Variants in PLCB1 observed in about 807,000 individuals in gnomAD.
PLCB1 encodes the protein 1-phosphatidylinositol 4,5-bisphosphate phosphodiesterase beta-1.
Under a neutral mutation model 161.8 loss-of-function variants are expected in PLCB1, and 46 were observed. That is an observed-to-expected ratio of 0.28 (90% CI 0.22 to 0.36). PLCB1 has a LOEUF of 0.36. Among genes scored for constraint, PLCB1 ranks in the 10% least tolerant of loss-of-function variants. The probability of loss-of-function intolerance (pLI) is 1.00; values close to 1 mark genes in which losing one functional copy is unlikely to be tolerated. For missense variants in PLCB1, 1,016 were observed against 1,472.5 expected (o/e 0.69, Z 5.07); for synonymous variants, 517 against 503.7 (o/e 1.03, Z -0.35).
chr20:8,842,459 T>C (rs1568621422), intron 31 of PLCB1, among the ~76,000 whole-genome samples: 1 of 152,202 alleles, frequency 6.6e-6, no homozygotes, highest in Non-Finnish European at 1.5e-5. Flanking sequence ...TTATTTCGAT[T>C]TGAACTTAAG....
intron 26 of PLCB1, among the ~76,000 whole-genome samples, chr20:8,767,780 G>C (rs764312775): frequency 2.6e-5 from 4 of 152,274 alleles, no homozygotes; most frequent in Middle Eastern, 3.4e-3. Flanking sequence ...AAAGTACTGG[G>C]CATATGTGTC....
chr20:8,465,391 G>A (rs892529103), intron 3 of PLCB1, among the ~76,000 whole-genome samples: 1 of 151,962 alleles, frequency 6.6e-6, no homozygotes. Flanking sequence ...CCTTCACTTA[G>A]TGCTCAATTC....
intron 2 of PLCB1, among the ~76,000 whole-genome samples, chr20:8,185,653 G>C (rs530568670): frequency 1.3e-5 from 2 of 151,876 alleles, no homozygotes; most frequent in African/African-American, 2.4e-5. Context: ...TGTGAGAGGG[G>C]ACAGGAGAGG....
intron 3 of PLCB1, among the ~76,000 whole-genome samples, chr20:8,508,999 C>A (rs1983760963): frequency 1.3e-5 from 2 of 152,148 alleles, no homozygotes; most frequent in Non-Finnish European, 2.9e-5. Context: ...ATAATGCATT[C>A]CTTTATTACT....
chr20:8,529,512 T>C (rs570829724), intron 3 of PLCB1, among the ~76,000 whole-genome samples: 3 of 152,222 alleles, frequency 2.0e-5, no homozygotes, highest in African/African-American at 7.2e-5. Context: ...GTGCCTTTTA[T>C]TGACATTCAA....
chr20:8,489,809 C>A (rs1982871144), intron 3 of PLCB1, among the ~76,000 whole-genome samples: 1 of 152,210 alleles, frequency 6.6e-6, no homozygotes, highest in Non-Finnish European at 1.5e-5. Context: ...TGATCATATT[C>A]ACTCTGGAGT....
intron 2 of PLCB1, among the ~76,000 whole-genome samples, chr20:8,176,901 T>C (rs1256270701): frequency 6.6e-6 from 1 of 152,100 alleles, no homozygotes; most frequent in Admixed American, 6.6e-5. Flanking sequence ...CCTCAGAACA[T>C]CTCTAGACAA....
intron 3 of PLCB1, among the ~76,000 whole-genome samples, chr20:8,538,801 T>A (rs1360662292): frequency 6.6e-6 from 1 of 151,564 alleles, no homozygotes; most frequent in African/African-American, 2.4e-5. Context: ...CTAACTTTTT[T>A]TTTTTTTTTT....
At position 8,584,175 on chromosome 20, in the gene PLCB1, C is replaced by T. The variant is rs150248663; in HGVS notation, c.247-44119C>T. Among the ~76,000 whole-genome samples, 85 of 152,028 alleles carry T rather than the reference C, an allele frequency of 5.6e-4. 1 individual carries two copies. In the East Asian group the frequency reaches 8.7e-3, roughly 16 times the overall value. On this transcript the variant is annotated intron_variant, in intron 3 of 31. Coordinates refer to ENST00000338037, the MANE Select transcript of PLCB1 (RefSeq NM_015192.4). ...CTTCACATTTTATTTTAAATGAGGA[C>T]GGTCATAGAAGGTTTATCATTAGGT...
At chr20:8,700,933 T>G (rs956088073) in intron 11 of PLCB1, among the ~76,000 whole-genome samples, 1 of 152,232 alleles carries the variant, frequency 6.6e-6, no homozygotes, top group Non-Finnish European at 1.5e-5. Flanking sequence ...CAGACTGATA[T>G]GCAGTAGCAA....
In PLCB1 at chr20:8,370,703, C is replaced by T. The variant is rs114257966; in HGVS notation, c.178-679C>T. Among the ~76,000 whole-genome samples, 791 of 152,336 alleles carry T rather than the reference C, an allele frequency of 5.2e-3. 11 individuals carry two copies. The highest frequency in any genetic ancestry group is 0.018 in the African/African-American group (761 of 41,582). On this transcript the variant is annotated intron_variant, in intron 2 of 31. Coordinates refer to ENST00000338037, the MANE Select transcript of PLCB1 (RefSeq NM_015192.4). The stretch of plus-strand genomic sequence containing the variant: ...AAACTGTGTTTTCTTTGCTGCCCCC[C>T]AACCATAGTAGTCAACTTTAAAATT...
chr20:8,253,141 A>G (rs1304485448), intron 2 of PLCB1, among the ~76,000 whole-genome samples: 2 of 151,960 alleles, frequency 1.3e-5, no homozygotes, highest in African/African-American at 2.4e-5. Context: ...AGAGTGCTCT[A>G]TTGAAACGAC....
At chr20:8,708,838 C>A in intron 12 of PLCB1, 86 bp downstream of exon 12, 1 of 807,072 alleles carries the variant, frequency 1.2e-6, no homozygotes, top group South Asian at 1.5e-5. Flanking sequence ...GATTATTTGA[C>A]ATGATTAATG....
At chr20:8,718,693 A>G (rs1335366279) in intron 14 of PLCB1, among the ~76,000 whole-genome samples, 2 of 152,182 alleles carry the variant, frequency 1.3e-5, no homozygotes. Context: ...CTCACCTGCA[A>G]TGTCCCTTTT....
intron 2 of PLCB1, among the ~76,000 whole-genome samples, chr20:8,332,248 A>T (rs541312502): frequency 6.6e-6 from 1 of 152,334 alleles, no homozygotes; most frequent in South Asian, 2.1e-4. Context: ...ATTTGGGATG[A>T]TTCATCGACA....
intron 3 of PLCB1, among the ~76,000 whole-genome samples, chr20:8,479,941 T>G (rs1161914122): frequency 3.3e-5 from 5 of 152,200 alleles, no homozygotes; most frequent in African/African-American, 4.8e-5. Context: ...TTTCTAGGTA[T>G]GGGATTTCCT....
chr20:8,204,179 G>A (rs553472217), intron 2 of PLCB1, among the ~76,000 whole-genome samples: 18 of 152,196 alleles, frequency 1.2e-4, no homozygotes, highest in Admixed American at 1.1e-3. Flanking sequence ...AATTGAATAC[G>A]TAGTCCGGTG....
At chr20:8,752,792 C>CAAA (rs1327859746) in intron 23 of PLCB1, among the ~76,000 whole-genome samples, 1 of 87,294 alleles carries the variant, frequency 1.1e-5, no homozygotes, top group African/African-American at 4.1e-5. Context: ...GACTCCATCT[C>CAAA]AAAAAAAAAA....
At chr20:8,823,428 C>G (rs551428758) in intron 31 of PLCB1, among the ~76,000 whole-genome samples, 28 of 152,228 alleles carry the variant, frequency 1.8e-4, no homozygotes, top group African/African-American at 6.3e-4. Flanking sequence ...CCGCCAGAGC[C>G]ACCACCCCTG....
Sources: allele counts gnomAD v4.1 joint callset (sites outside exome capture counted in the v4.1 genomes callset), GRCh38; gene constraint gnomAD v4.1.1; transcripts MANE v1.5; gene names NCBI Gene and HGNC (gene_info 2026-07-23, HGNC 2026-07-21).